The following PDE10A variants were observed in gnomAD, a reference collection of about 807,000 sequenced individuals.
The protein encoded by PDE10A is cAMP and cAMP-inhibited cGMP 3',5'-cyclic phosphodiesterase 10A.
PDE10A carries 39 observed loss-of-function variants against 97.7 expected under a neutral mutation model. The observed-to-expected ratio is 0.40, with a 90% CI of 0.31 to 0.52. The LOEUF (loss-of-function observed/expected upper bound fraction) is 0.52. Ranked by LOEUF, PDE10A falls within the 20% of genes least tolerant of loss-of-function variation. The probability of loss-of-function intolerance (pLI) is 0.56; values close to 1 mark genes in which losing one functional copy is unlikely to be tolerated. For missense variants in PDE10A, 731 were observed against 1,047.8 expected, an observed-to-expected ratio of 0.70 and a Z score of 4.17; for synonymous variants, 371 against 376.8, an observed-to-expected ratio of 0.98 and a Z score of 0.18.
At chr6:165,525,158 T>C (rs1398103904) in intron 2 of PDE10A, among the ~76,000 whole-genome samples, 3 of 152,112 alleles carry the variant, frequency 2.0e-5, no homozygotes, top group Admixed American at 6.5e-5. Flanking sequence ...GTTGAGAGTG[T>C]GACCCATGAG....
intron 1 of PDE10A, among the ~76,000 whole-genome samples, chr6:165,654,998 G>A (rs941964258): frequency 2.0e-5 from 3 of 152,124 alleles, no homozygotes; most frequent in Non-Finnish European, 4.4e-5. Context: ...CTCCATTCAC[G>A]ACTGTGGCTT....
chr6:165,770,163 C>CAAAAAAAAAAAAA (rs11442419), intron 1 of PDE10A, among the ~76,000 whole-genome samples: 1 of 127,902 alleles, frequency 7.8e-6, no homozygotes, highest in African/African-American at 3.0e-5. Context: ...TGCAAAAGGG[C>CAAAAAAAAAAAAA]AAAAAAAAAA....
At chr6:165,625,520 G>A (rs1427711359) in intron 1 of PDE10A, among the ~76,000 whole-genome samples, 9 of 152,314 alleles carry the variant, frequency 5.9e-5, no homozygotes, top group African/African-American at 1.7e-4. Context: ...ATACCTGACC[G>A]ATATGGTTTG....
chr6:165,347,186 A>G (rs1274773330), intron 18 of PDE10A, among the ~76,000 whole-genome samples: 1 of 152,102 alleles, frequency 6.6e-6, no homozygotes, highest in Non-Finnish European at 1.5e-5. Flanking sequence ...TAACTACTAT[A>G]CCTTCATCAA....
intron 1 of PDE10A, among the ~76,000 whole-genome samples, chr6:165,946,420 G>A (rs969581902): frequency 6.6e-6 from 1 of 151,902 alleles, no homozygotes; most frequent in Non-Finnish European, 1.5e-5. Context: ...GCGTGAACCA[G>A]GAGGCGGAGC....
intron 1 of PDE10A, among the ~76,000 whole-genome samples, chr6:165,673,908 T>C (rs1790718280): frequency 6.6e-6 from 1 of 152,252 alleles, no homozygotes; most frequent in Non-Finnish European, 1.5e-5. Flanking sequence ...AAGAATATTA[T>C]CAGCCACATT....
At chr6:165,731,196 G>A (rs1583006824) in intron 1 of PDE10A, among the ~76,000 whole-genome samples, 2 of 152,228 alleles carry the variant, frequency 1.3e-5, no homozygotes, top group South Asian at 2.1e-4. Context: ...TGTGGCTCCT[G>A]GAGACTCGAT....
chr6:165,332,393 T>C lies in PDE10A; in HGVS notation c.*632A>G, dbSNP rs185730626. On this transcript the variant is annotated 3_prime_UTR_variant, in exon 22 of 22. Coordinates refer to ENST00000539869, the MANE Select transcript of PDE10A (RefSeq NM_001385079.1). ...AATTTATTGATCTCAGCCCTTTAGG[T>C]TGAACTTAAAGAATTATGTTTAGTC... 1 of 152,374 alleles carries C rather than the reference T, an allele frequency of 6.6e-6. No homozygotes were observed. Among genetic ancestry groups the C allele is most frequent in the East Asian group, 1.9e-4 (1 of 5,190 alleles). The allele number at this position is 152,374 out of a possible 1,614,324, so 9.4% of individuals were successfully genotyped here. A position where few individuals can be genotyped will look rare whatever the true frequency, so the allele number is the denominator to read the frequency against.
At chr6:165,854,901 G>A (rs1294446148) in intron 1 of PDE10A, among the ~76,000 whole-genome samples, 1 of 152,210 alleles carries the variant, frequency 6.6e-6, no homozygotes, top group East Asian at 1.9e-4. Flanking sequence ...GGGACCGCGG[G>A]TCCCAGGGGA....
At chr6:165,640,710 C>T (rs1335904196) in intron 1 of PDE10A, among the ~76,000 whole-genome samples, 2 of 152,088 alleles carry the variant, frequency 1.3e-5, no homozygotes, top group East Asian at 1.9e-4. Context: ...ATAAACTAAG[C>T]GATGTTGTTG....
At chr6:165,606,805 G>A (rs1787232452) in intron 1 of PDE10A, among the ~76,000 whole-genome samples, 1 of 152,120 alleles carries the variant, frequency 6.6e-6, no homozygotes, top group African/African-American at 2.4e-5. Context: ...GGACCATGGA[G>A]TGCGTGCAGT....
At chr6:165,740,136 C>T (rs1290732008) in intron 1 of PDE10A, among the ~76,000 whole-genome samples, 1 of 152,156 alleles carries the variant, frequency 6.6e-6, no homozygotes, top group Non-Finnish European at 1.5e-5. Context: ...ATAAAATCAG[C>T]ACCTTGAAGA....
chr6:165,933,018 C>T (rs1257074493), intron 1 of PDE10A, among the ~76,000 whole-genome samples: 3 of 152,194 alleles, frequency 2.0e-5, no homozygotes, highest in Non-Finnish European at 2.9e-5. Flanking sequence ...GGGTTGATTC[C>T]TGGTCTGGGG....
chr6:165,911,993 A>G (rs1041649327), intron 1 of PDE10A, among the ~76,000 whole-genome samples: 2 of 151,868 alleles, frequency 1.3e-5, no homozygotes, highest in African/African-American at 2.4e-5. Context: ...AAATATATAT[A>G]TATATATATC....
At chr6:165,404,608 A>T (rs931786830) in intron 13 of PDE10A, among the ~76,000 whole-genome samples, 1 of 152,160 alleles carries the variant, frequency 6.6e-6, no homozygotes, top group African/African-American at 2.4e-5. Flanking sequence ...TCTGAGCATG[A>T]GGGTCTCTCA....
At chr6:165,470,394 T>C (rs1161208849) in intron 3 of PDE10A, among the ~76,000 whole-genome samples, 1 of 152,254 alleles carries the variant, frequency 6.6e-6, no homozygotes, top group Non-Finnish European at 1.5e-5. Context: ...TTGAAACTTA[T>C]TGAAAATTGC....
At chr6:165,635,185 C>T (rs951178394) in intron 1 of PDE10A, among the ~76,000 whole-genome samples, 8 of 152,020 alleles carry the variant, frequency 5.3e-5, no homozygotes, top group Admixed American at 2.0e-4. Context: ...CAGTATTCTC[C>T]GTGGAAAAAT....
At chr6:165,413,212 C>A (rs1016900972) in intron 13 of PDE10A, among the ~76,000 whole-genome samples, 1 of 152,052 alleles carries the variant, frequency 6.6e-6, no homozygotes, top group African/African-American at 2.4e-5. Context: ...TCAGTAGATA[C>A]CATTAAATAT....
intron 1 of PDE10A, among the ~76,000 whole-genome samples, chr6:165,557,114 G>A (rs986348273): frequency 3.3e-5 from 5 of 152,064 alleles, no homozygotes; most frequent in East Asian, 1.9e-4. Context: ...ACTCAAGCCT[G>A]GGTGACAGAG....
Sources: gnomAD v4.1 joint callset for allele counts (sites outside exome capture counted in the v4.1 genomes callset) on GRCh38, gnomAD v4.1.1 for gene constraint, MANE v1.5 for transcripts, NCBI Gene and HGNC (gene_info 2026-07-23, HGNC 2026-07-21) for gene names.